TCF20: variants seen among roughly 807,000 people sequenced by gnomAD.
TCF20 encodes the protein SPRE-binding protein.
TCF20 carries 3 observed loss-of-function variants against 148.6 expected under a neutral mutation model. That is an observed-to-expected ratio of 0.02 (90% CI 0.01 to 0.05). The LOEUF (loss-of-function observed/expected upper bound fraction) is 0.05. Among genes scored for constraint, TCF20 ranks in the 10% least tolerant of loss-of-function variants. The probability of loss-of-function intolerance (pLI) is 1.00; values close to 1 mark genes in which losing one functional copy is unlikely to be tolerated. For synonymous variants in TCF20, 1,049 were observed against 909.5 expected, an observed-to-expected ratio of 1.15 and a Z score of -2.76; for missense variants, 2,350 against 2,429.3, an observed-to-expected ratio of 0.97 and a Z score of 0.69.
chr22:42,300,044 TG>T (rs1211166340), intron 1 of TCF20, among the ~76,000 whole-genome samples: 1 of 152,106 alleles, frequency 6.6e-6, no homozygotes, highest in Admixed American at 6.5e-5. Context: ...ACGTGCAGCC[TG>T]GTTCCTTTCG....
chr22:42,241,834 C>CA (rs1168415362), intron 1 of TCF20, among the ~76,000 whole-genome samples: 2 of 148,514 alleles, frequency 1.3e-5, no homozygotes, highest in East Asian at 2.0e-4. Context: ...ACTCTTGTCT[C>CA]AAAAAAACGC....
intron 1 of TCF20, among the ~76,000 whole-genome samples, chr22:42,298,090 G>A (rs1007971957): frequency 6.6e-6 from 1 of 152,210 alleles, no homozygotes; most frequent in Non-Finnish European, 1.5e-5. Context: ...GTCCTGAGAG[G>A]GCCAGTGACT....
At chr22:42,272,182 G>A (rs368825491), upstream of TCF20, among the ~76,000 whole-genome samples, 1 of 152,348 alleles carries the variant, frequency 6.6e-6, no homozygotes, top group East Asian at 1.9e-4. Context: ...CCTGCCCTCT[G>A]ATTATTCCCA....
intron 1 of TCF20, among the ~76,000 whole-genome samples, chr22:42,268,874 G>C (rs551907670): frequency 6.6e-6 from 1 of 152,340 alleles, no homozygotes; most frequent in African/African-American, 2.4e-5. Flanking sequence ...GAGGCTGGAA[G>C]CTTAAAGACA....
At chr22:42,256,119 A>C (rs906354110) in intron 1 of TCF20, among the ~76,000 whole-genome samples, 1 of 152,172 alleles carries the variant, frequency 6.6e-6, no homozygotes, top group East Asian at 1.9e-4. Flanking sequence ...GGCTTCTCCA[A>C]TATTCTTCCC....
At position 42,210,741 on chromosome 22, in the gene TCF20, G is replaced by A. The variant is rs752102253; in HGVS notation, c.4565C>T (p.Ser1522Leu). 7 of 1,614,078 alleles carry A rather than the reference G, an allele frequency of 4.3e-6. No homozygotes were observed. Reference protein sequence around the residue: ...EEKENDTVTISPKQEGFPPKG... With the variant: ...EEKENDTVTILPKQEGFPPKG... ...TGGAGGGAAACCCTCTTGCTTCGGT[G>A]AAATCGTCACTGTATCGTTCTCCTT... Residue 1522 changes from serine to leucine, a missense_variant, in exon 2 of 6, where the codon TCA becomes TTA. Physicochemically the swap from Ser to Leu is moderately radical, Grantham distance 145. This residue lies in a region of TCF20 where 231 missense variants were observed against 213.7 expected (regional missense o/e 1.08). Coordinates refer to ENST00000677622, the MANE Select transcript of TCF20 (RefSeq NM_001378418.1). The surrounding 1 kb of genome is among the most constrained non-coding windows in gnomAD (Gnocchi z 4.7).
intron 1 of TCF20, chr22:42,278,291 C>G (rs1158428643): frequency 6.6e-6 from 1 of 152,210 alleles, no homozygotes; most frequent in African/African-American, 2.4e-5. Flanking sequence ...GCCCTCTGAG[C>G]TGGGTAGTTA....
chr22:42,191,316 G>T (rs541854283), intron 2 of TCF20, among the ~76,000 whole-genome samples: 1 of 152,206 alleles, frequency 6.6e-6, no homozygotes, highest in African/African-American at 2.4e-5. Context: ...TTTAGATGGA[G>T]TCTCACTCTG....
chr22:42,325,853 T>A (rs190885835), intron 1 of TCF20, among the ~76,000 whole-genome samples: 1 of 152,238 alleles, frequency 6.6e-6, no homozygotes, highest in East Asian at 1.9e-4. Context: ...GCCTCTCATG[T>A]CAAAAGTGGG....
chr22:42,181,386 T>C (rs1012405236), intron 2 of TCF20, among the ~76,000 whole-genome samples: 8 of 152,034 alleles, frequency 5.3e-5, no homozygotes, highest in Non-Finnish European at 1.0e-4. Context: ...GTTTTGCATA[T>C]TGGCCAAGCT....
At chr22:42,253,669 A>C (rs1473705162) in intron 1 of TCF20, among the ~76,000 whole-genome samples, 1 of 152,236 alleles carries the variant, frequency 6.6e-6, no homozygotes, top group African/African-American at 2.4e-5. Context: ...AAAACCCTGA[A>C]AACAGTAGAG....
At chr22:42,202,272 G>A (rs1335093041) in intron 2 of TCF20, among the ~76,000 whole-genome samples, 1 of 152,214 alleles carries the variant, frequency 6.6e-6, no homozygotes, top group Non-Finnish European at 1.5e-5. Flanking sequence ...TCACCAGTCT[G>A]CAGCTTGCAT....
chr22:42,335,285 C>T (rs147036620), intron 1 of TCF20, among the ~76,000 whole-genome samples: 1 of 152,258 alleles, frequency 6.6e-6, no homozygotes, highest in Non-Finnish European at 1.5e-5. Context: ...CCCTGGCCAC[C>T]CTGCCTCTAT....
chr22:42,209,797 C>G lies in TCF20; in HGVS notation c.5509G>C (p.Glu1837Gln). The G allele has an allele frequency of 6.2e-7, 1 of 1,614,188 alleles. No individual in the cohort carries two copies. The highest frequency in any genetic ancestry group is 8.5e-7 in the Non-Finnish European group (1 of 1,180,032). Residue 1837 changes from glutamate (E) to glutamine (Q), a missense_variant, in exon 2 of 6, where the codon GAG (glutamate) becomes CAG (glutamine). Glu to Gln is a conservative substitution (Grantham distance 29). Coordinates refer to ENST00000677622, the MANE Select transcript of TCF20 (RefSeq NM_001378418.1). ...AGTTCAGGGATTTGTAACTCCAGCT[C>G]AGGGCCACCTTCTGAAGTGGTGGGC... is the stretch of plus-strand genomic sequence containing the variant. The part of the protein sequence containing the change: ...SVPTTSEGGP[E>Q]LELQIPELPL...
intron 1 of TCF20, among the ~76,000 whole-genome samples, chr22:42,243,126 T>C (rs1369566985): frequency 6.6e-6 from 1 of 151,254 alleles, no homozygotes; most frequent in Non-Finnish European, 1.5e-5. Flanking sequence ...TATTAGCAGA[T>C]GTAAGACATT....
chr22:42,247,841 T>C (rs2839706), intron 1 of TCF20, among the ~76,000 whole-genome samples: 2,984 of 152,254 alleles, frequency 0.02, 49 homozygotes, highest in Non-Finnish European at 0.032. Flanking sequence ...ACTTGACTGG[T>C]TCCTCCGCAT....
chr22:42,161,263 C>T lies in TCF20; in HGVS notation c.*140G>A, dbSNP rs186550469. On this transcript the variant is annotated 3_prime_UTR_variant, in exon 6 of 6. Coordinates refer to ENST00000677622, the MANE Select transcript of TCF20 (RefSeq NM_001378418.1). ...GTGCTGGCATGGGCAGGCACGCGGG[C>T]GGGGCGGGGCGGGGCAGGGCAGGGT... 4.1e-5 allele frequency: 51 copies of T among 1,236,398 alleles called. No individual in the cohort carries two copies. In the African/African-American group the frequency reaches 4.4e-4, roughly 11 times the overall value. 76.6% of individuals were successfully genotyped at this position (1,236,398 alleles called of 1,614,324 possible). A position where few individuals can be genotyped will look rare whatever the true frequency, so the allele number is the denominator to read the frequency against.
Position 42,299,546 on chromosome 22 carries a change from G to C in TCF20, c.-37+43933C>G, listed in dbSNP as rs1042318354. 6.6e-6 allele frequency among the ~76,000 whole-genome samples: 1 copy of C among 152,206 alleles called. No individual in the cohort carries two copies. The highest frequency in any genetic ancestry group is 6.5e-5 in the Admixed American group (1 of 15,288). On this transcript the variant is annotated intron_variant, in intron 1 of 1. Transcript: ENST00000515426. The surrounding 1 kb of genome is among the most constrained non-coding windows in gnomAD (Gnocchi z 4.1). ...GTCACCCAGGAACCCCGAGGAACTG[G>C]AATGGGGGTGGAGGGGAATCACATG...
intron 1 of TCF20, among the ~76,000 whole-genome samples, chr22:42,255,829 A>G (rs909444130): frequency 6.6e-6 from 1 of 151,854 alleles, no homozygotes; most frequent in Non-Finnish European, 1.5e-5. Context: ...CTCTTCACAA[A>G]ACTTTGTTCC....
Sources: allele counts gnomAD v4.1 joint callset (sites outside exome capture counted in the v4.1 genomes callset), GRCh38; gene constraint gnomAD v4.1.1; regional missense constraint gnomAD v4.1.1; non-coding constraint Gnocchi (gnomAD v3.1); transcripts MANE v1.5; gene names NCBI Gene and HGNC (gene_info 2026-07-23, HGNC 2026-07-21).